The following LSM14B variants were observed in gnomAD, a reference collection of about 807,000 sequenced individuals.
LSM14B encodes LSM family member 14B.
Under a neutral mutation model 42.1 loss-of-function variants are expected in LSM14B, and 8 were observed. The ratio of observed to expected loss-of-function variants is 0.19; its 90% CI spans 0.11 to 0.34. LSM14B has a LOEUF of 0.34. Ranked by LOEUF, LSM14B falls within the 10% of genes least tolerant of loss-of-function variation. The probability of loss-of-function intolerance (pLI) is 1.00; values close to 1 mark genes in which losing one functional copy is unlikely to be tolerated. For synonymous variants in LSM14B, 219 were observed against 209.7 expected (o/e 1.04, Z -0.38); for missense variants, 396 against 513.1 (o/e 0.77, Z 2.21).
rs1368700007 is a variant in LSM14B, at chr20:62,124,749, A to T, written c.260A>T (p.His87Leu). The T allele has an allele frequency of 6.2e-7, 1 of 1,613,708 alleles. No individual in the cohort carries two copies. The highest frequency in any genetic ancestry group is 1.7e-5 in the Admixed American group (1 of 59,996). ...ITVCEPPKAQ[H>L]TLPQDPAIVQ... ...GTGTGTGAACCTCCGAAAGCTCAGC[A>T]CACACTCCCGCAGGATCCCGCCATT... Residue 87 changes from histidine (H) to leucine (L), a missense_variant, in exon 2 of 9, where the codon CAC (histidine) becomes CTC (leucine). Coordinates refer to ENST00000279068, the MANE Select transcript of LSM14B (RefSeq NM_144703.3).
At position 62,134,199 on chromosome 20, in the gene LSM14B, T is replaced by A. The variant is rs1001620457; in HGVS notation, c.*51T>A. 11 of 470,300 alleles carry A rather than the reference T, an allele frequency of 2.3e-5. No individual in the cohort carries two copies. Among genetic ancestry groups the A allele is most frequent in the African/African-American group, 2.0e-4 (10 of 49,980 alleles). 29.1% of individuals were successfully genotyped at this position (470,300 alleles called of 1,614,324 possible). A position where few individuals can be genotyped will look rare whatever the true frequency, so the allele number is the denominator to read the frequency against. On this transcript the variant is annotated 3_prime_UTR_variant, in exon 9 of 9. Transcript: ENST00000279068. The stretch of plus-strand genomic sequence containing the variant: ...AGTGGCGCATAACTGACGCTGTGTG[T>A]GTCAGGACGCGAGGAAAACGCTGCA...
intron 3 of LSM14B, chr20:62,127,929 A>G: frequency 6.0e-6 from 4 of 670,000 alleles, no homozygotes; most frequent in Non-Finnish European, 1.1e-5. Context: ...CCCTGGGTCC[A>G]GGTTCTCTGT....
intron 2 of LSM14B, 102 bp from the exon 3 acceptor site, chr20:62,126,202 G>A: frequency 6.4e-7 from 1 of 1,563,768 alleles, no homozygotes; most frequent in South Asian, 1.2e-5. Flanking sequence ...GGTGCAGGCT[G>A]ATGGGACGGT....
intron 3 of LSM14B, chr20:62,128,928 G>A (rs1415620139): frequency 8.4e-6 from 11 of 1,302,080 alleles, no homozygotes; most frequent in Non-Finnish European, 1.0e-6. Context: ...TGGTTAGGGT[G>A]CCTTTTCTGT....
chr20:62,131,388 C>T lies in LSM14B; in HGVS notation c.868C>T (p.Leu290=), dbSNP rs374354124. The stretch of plus-strand genomic sequence containing the variant: ...GGCTGAGAAGGGGGAAGAGAAGGAC[C>T]TGGCTGTGGTGACCCAGAGTGCCGA... ...DKAEKGEEKD[L]AVVTQSAEAP... The change falls in exon 7 of 9, where the codon CTG becomes TTG. Residue 290 remains leucine (L), a synonymous_variant. Coordinates refer to ENST00000279068, the MANE Select transcript of LSM14B (RefSeq NM_144703.3). The T allele has an allele frequency of 4.3e-6, 7 of 1,609,522 alleles. No individual in the cohort carries two copies. Among genetic ancestry groups the T allele is most frequent in the Non-Finnish European group, 5.9e-6 (7 of 1,177,650 alleles).
In LSM14B at chr20:62,130,826, C is replaced by CTGAG; in HGVS notation, c.835+136_835+139dup. 1 of 899,772 alleles carries CTGAG rather than the reference C, an allele frequency of 1.1e-6. No homozygotes were observed. The highest frequency in any genetic ancestry group is 1.7e-5 in the South Asian group (1 of 57,156). 55.7% of individuals were successfully genotyped at this position (899,772 alleles called of 1,614,324 possible). A position where few individuals can be genotyped will look rare whatever the true frequency, so the allele number is the denominator to read the frequency against. ...TGGGAGGCTGAGGTGGGTGGATCAC[C>CTGAG]TGAGGTCAGGAGTTCAACACCAGCC... On this transcript the variant is annotated intron_variant, in intron 6 of 8. Transcript: ENST00000279068. The surrounding 1 kb of genome is among the most constrained non-coding windows in gnomAD (Gnocchi z 4.1).
intron 2 of LSM14B, 149 bp downstream of exon 2, chr20:62,124,929 G>A: frequency 1.1e-6 from 1 of 882,882 alleles, no homozygotes. Flanking sequence ...TCACCAGGCT[G>A]GAGGTCAGTG....
At chr20:62,123,255 C>G (rs1306904106) in intron 1 of LSM14B, 2 of 152,568 alleles carry the variant, frequency 1.3e-5, no homozygotes, top group African/African-American at 4.8e-5. Context: ...CCCGGCGTCT[C>G]CCGAAGGCTG....
intron 2 of LSM14B, among the ~76,000 whole-genome samples, chr20:62,125,340 T>A (rs1423276881): frequency 6.6e-6 from 1 of 152,094 alleles, no homozygotes. Flanking sequence ...CATGTGCGCG[T>A]GTGTAGTGTA....
Position 62,130,393 on chromosome 20 carries a change from G to A in LSM14B, c.673+97G>A. 1 of 1,526,974 alleles carries A rather than the reference G, an allele frequency of 6.5e-7. No individual in the cohort carries two copies. The allele number at this position is 1,526,974 out of a possible 1,614,324, so 94.6% of individuals were successfully genotyped here. A position where few individuals can be genotyped will look rare whatever the true frequency, so the allele number is the denominator to read the frequency against. On this transcript the variant is annotated intron_variant, in intron 5 of 8. Coordinates refer to ENST00000279068, the MANE Select transcript of LSM14B (RefSeq NM_144703.3). This position sits in a 1 kb window ranked among gnomAD's most constrained non-coding sequence, Gnocchi z 4.1. ...GCTTCTCTGGTTGACGGTTTCAGGG[G>A]TGCTGGTGTGAAGTCGCTGCTTGTG...
chr20:62,134,344 A>G lies in LSM14B; in HGVS notation c.*196A>G, dbSNP rs964146452. ...GAGTTAGAACCACTTGTTTTGGGGA[A>G]GTATTCATGGGTAACCTCTTTGAGG... On this transcript the variant is annotated 3_prime_UTR_variant, in exon 9 of 9. Transcript: ENST00000279068. 12 of 471,706 alleles carry G rather than the reference A, an allele frequency of 2.5e-5. No individual in the cohort carries two copies. The highest frequency in any genetic ancestry group is 2.4e-4 in the African/African-American group (12 of 50,194). The allele number at this position is 471,706 out of a possible 1,614,324, so 29.2% of individuals were successfully genotyped here.
At chr20:62,133,724 AGGT>A (rs2056832119) in intron 8 of LSM14B, among the ~76,000 whole-genome samples, 2 of 152,234 alleles carry the variant, frequency 1.3e-5, no homozygotes, top group Non-Finnish European at 2.9e-5. Context: ...ATGGGAGGTG[AGGT>A]GGTGCGGGAG....
chr20:62,124,643 C>T lies in LSM14B; in HGVS notation c.154C>T (p.Pro52Ser). The change falls in exon 2 of 9, where the codon CCC becomes TCC. Residue 52 changes from proline to serine, a missense_variant. Transcript: ENST00000279068. ...GAGGTCCTTTGGCACTGAAGACCGT[C>T]CCACAGATAGGCCTGCGCCCCCCAG... ...KVRSFGTEDR[P>S]TDRPAPPREE... The T allele has an allele frequency of 6.2e-7, 1 of 1,613,924 alleles. No individual in the cohort carries two copies. The highest frequency in any genetic ancestry group is 8.5e-7 in the Non-Finnish European group (1 of 1,179,848).
At chr20:62,125,975 C>A (rs1355375454) in intron 2 of LSM14B, among the ~76,000 whole-genome samples, 1 of 152,156 alleles carries the variant, frequency 6.6e-6, no homozygotes, top group African/African-American at 2.4e-5. Flanking sequence ...CTGGGAGAAT[C>A]GCTTGAACCT....
intron 2 of LSM14B, among the ~76,000 whole-genome samples, chr20:62,125,940 A>G (rs967594356): frequency 3.3e-5 from 5 of 152,144 alleles, no homozygotes; most frequent in Non-Finnish European, 7.4e-5. Flanking sequence ...GGCATCTGTA[A>G]TCTCAGCTAC....
In LSM14B at chr20:62,130,128, G is replaced by A. The variant is rs1600938234; in HGVS notation, c.596-91G>A. 6.6e-7 allele frequency: 1 copy of A among 1,513,868 alleles called. No homozygotes were observed. The highest frequency in any genetic ancestry group is 2.5e-5 in the East Asian group (1 of 40,692). The allele number at this position is 1,513,868 out of a possible 1,614,324, so 93.8% of individuals were successfully genotyped here. ...TCCTGCGGTGCCGCCCTGGCCGCGT[G>A]CCCCATGGTGGTGGGGCCTGCTTCC... On this transcript the variant is annotated intron_variant, in intron 4 of 8. Transcript: ENST00000279068. This position sits in a 1 kb window ranked among gnomAD's most constrained non-coding sequence, Gnocchi z 4.1.
chr20:62,126,889 T>TG (rs1444672137), intron 3 of LSM14B, among the ~76,000 whole-genome samples: 2 of 151,976 alleles, frequency 1.3e-5, no homozygotes, highest in African/African-American at 4.8e-5. Flanking sequence ...CCCAGCTACT[T>TG]GGGGGGTTGA....
chr20:62,127,983 A>G (rs1228642174), intron 3 of LSM14B: 1 of 619,752 alleles, frequency 1.6e-6, no homozygotes, highest in East Asian at 2.7e-5. Flanking sequence ...TTCACTGTTC[A>G]CAGAAAGTCA....
chr20:62,131,698 C>A (rs1425445168), intron 7 of LSM14B, among the ~76,000 whole-genome samples, 192 bp downstream of exon 7: 1 of 152,194 alleles, frequency 6.6e-6, no homozygotes, highest in African/African-American at 2.4e-5. Context: ...GGGATCCCGA[C>A]CCGAGGAGTT....
Sources: gnomAD v4.1 joint callset for allele counts (sites outside exome capture counted in the v4.1 genomes callset) on GRCh38, gnomAD v4.1.1 for gene constraint, Gnocchi (gnomAD v3.1) non-coding constraint, MANE v1.5 for transcripts, NCBI Gene and HGNC (gene_info 2026-07-23, HGNC 2026-07-21) for gene names.